Variants in PDE4D observed in about 807,000 individuals in gnomAD.
The protein encoded by PDE4D is phosphodiesterase 4D, also known as 3',5'-cyclic-AMP phosphodiesterase 4D.
A neutral mutation model predicts 87.4 loss-of-function variants in PDE4D; 24 were observed. The observed-to-expected ratio is 0.27, with a 90% confidence interval of 0.20 to 0.39. The LOEUF (loss-of-function observed/expected upper bound fraction) is 0.39, where lower values mean the gene tolerates loss of function less well. PDE4D is among the 10% of genes least tolerant of loss of function. PDE4D has a pLI of 1.00. For synonymous variants in PDE4D, 384 were observed against 383.2 expected (o/e 1.00, Z -0.02); for missense variants, 714 against 1,041.0 (o/e 0.69, Z 4.32).
intron 1 of PDE4D, among the ~76,000 whole-genome samples, chr5:59,534,679 G>C (rs906971500): frequency 6.6e-6 from 1 of 152,198 alleles, no homozygotes; most frequent in Non-Finnish European, 1.5e-5. Context: ...CTGAGTAGAG[G>C]ATTTTGGGTT....
intron 1 of PDE4D, among the ~76,000 whole-genome samples, chr5:60,225,217 T>C (rs1744947294): frequency 6.6e-6 from 1 of 152,102 alleles, no homozygotes. Flanking sequence ...GTTCTACCCA[T>C]GTCAAGAGGA....
intron 1 of PDE4D, among the ~76,000 whole-genome samples, chr5:60,265,377 A>C (rs1034615379): frequency 8.5e-5 from 13 of 152,306 alleles, no homozygotes; most frequent in Non-Finnish European, 1.9e-4. Flanking sequence ...GCTGTGAGGG[A>C]ACCAAAACCC....
chr5:60,118,318 G>A (rs1185040826), intron 2 of PDE4D, among the ~76,000 whole-genome samples: 2 of 152,090 alleles, frequency 1.3e-5, no homozygotes, highest in South Asian at 2.1e-4. Context: ...GTTTACTTAT[G>A]CTGACTGTCA....
At chr5:60,218,095 C>A (rs1339170327) in intron 1 of PDE4D, among the ~76,000 whole-genome samples, 1 of 151,922 alleles carries the variant, frequency 6.6e-6, no homozygotes, top group Non-Finnish European at 1.5e-5. Flanking sequence ...AAAATCACAA[C>A]AGACATTCAT....
In PDE4D at chr5:58,971,821, T is replaced by C. The variant is rs944563149; in HGVS notation, c.*2843A>G. 3.9e-5 allele frequency: 6 copies of C among 152,590 alleles called. No individual in the cohort carries two copies. The highest frequency in any genetic ancestry group is 3.2e-3 in the Middle Eastern group (1 of 316). 9.5% of individuals were successfully genotyped at this position (152,590 alleles called of 1,614,324 possible). A position where few individuals can be genotyped will look rare whatever the true frequency, so the allele number is the denominator to read the frequency against. ...AAATGTAAAGCCACTTGTAAAAGGA[T>C]ATTCTTTTATTCTTTTTTAAAGCAG... On this transcript the variant is annotated 3_prime_UTR_variant, in exon 15 of 15. Transcript: ENST00000340635.
chr5:59,355,490 G>C (rs1051012552), intron 1 of PDE4D, among the ~76,000 whole-genome samples: 1 of 152,084 alleles, frequency 6.6e-6, no homozygotes, highest in South Asian at 2.1e-4. Context: ...TTGATGTTAA[G>C]TTCTAAATGT....
intron 1 of PDE4D, among the ~76,000 whole-genome samples, chr5:60,266,258 C>G (rs1413441108): frequency 6.6e-6 from 1 of 152,166 alleles, no homozygotes; most frequent in Non-Finnish European, 1.5e-5. Context: ...GAAGTGCAAA[C>G]AGTTTGCTTC....
chr5:59,761,752 C>A (rs1761995013), intron 1 of PDE4D, among the ~76,000 whole-genome samples: 1 of 152,046 alleles, frequency 6.6e-6, no homozygotes, highest in Admixed American at 6.6e-5. Flanking sequence ...CCTGAGGGAC[C>A]TACCTGAGGC....
chr5:59,356,757 C>G, intron 1 of PDE4D: 1 of 1,569,662 alleles, frequency 6.4e-7, no homozygotes, highest in Non-Finnish European at 8.6e-7. Context: ...AAGAGTAATA[C>G]CTGTAGGACT....
At chr5:60,365,656 C>G (rs1467930124) in intron 1 of PDE4D, among the ~76,000 whole-genome samples, 1 of 152,172 alleles carries the variant, frequency 6.6e-6, no homozygotes, top group Non-Finnish European at 1.5e-5. Context: ...ACTCTTGTAC[C>G]AAGGGCGCTG....
chr5:58,971,810 T>TTATGGCATTTTAGGAAA lies in PDE4D; in HGVS notation c.*2853_*2854insTTTCCTAAAATGCCATA, dbSNP rs1742651588. On this transcript the variant is annotated 3_prime_UTR_variant, in exon 15 of 15. Transcript: ENST00000340635. Reference sequence around the variant, plus strand: ...GGCATTTTAGGAAATGTAAAGCCACTTGTAAAAGGATATTCTTTTATTCTT... The same window carrying TTATGGCATTTTAGGAAA: ...GGCATTTTAGGAAATGTAAAGCCACTTATGGCATTTTAGGAAATGTAAAAGGATATTCTTTTATTCTT... 3 of 152,642 alleles carry TTATGGCATTTTAGGAAA rather than the reference T, an allele frequency of 2.0e-5. No individual in the cohort carries two copies. Among genetic ancestry groups the TTATGGCATTTTAGGAAA allele is most frequent in the Non-Finnish European group, 4.4e-5 (3 of 68,034 alleles). The allele number at this position is 152,642 out of a possible 1,614,324, so 9.5% of individuals were successfully genotyped here. A position where few individuals can be genotyped will look rare whatever the true frequency, so the allele number is the denominator to read the frequency against.
At chr5:59,710,551 G>A (rs796490146) in intron 1 of PDE4D, among the ~76,000 whole-genome samples, 5 of 152,168 alleles carry the variant, frequency 3.3e-5, no homozygotes, top group African/African-American at 1.2e-4. Context: ...CTAGGCTACA[G>A]TAACAAAATA....
At chr5:59,675,233 A>G (rs1747870773) in intron 1 of PDE4D, among the ~76,000 whole-genome samples, 1 of 152,218 alleles carries the variant, frequency 6.6e-6, no homozygotes, top group Non-Finnish European at 1.5e-5. Context: ...CTTTTGAAGT[A>G]CAAAGATTGC....
At chr5:59,371,961 G>C (rs1428156149) in intron 1 of PDE4D, among the ~76,000 whole-genome samples, 2 of 152,186 alleles carry the variant, frequency 1.3e-5, no homozygotes, top group Non-Finnish European at 2.9e-5. Flanking sequence ...ATAACCCTGG[G>C]ACTGCCCAGC....
chr5:59,435,074 A>G (rs1401666164), intron 1 of PDE4D, among the ~76,000 whole-genome samples: 1 of 152,096 alleles, frequency 6.6e-6, no homozygotes, highest in Non-Finnish European at 1.5e-5. Context: ...GATTCCAGAG[A>G]CCAGACTATA....
At chr5:59,295,581 C>T (rs944096954) in intron 1 of PDE4D, among the ~76,000 whole-genome samples, 15 of 152,140 alleles carry the variant, frequency 9.9e-5, no homozygotes, top group African/African-American at 2.4e-4. Context: ...GCAGGAACTT[C>T]GGCCCTCAGG....
chr5:59,185,171 GA>G lies in PDE4D; in HGVS notation c.758+17del, dbSNP rs368576197. ...TAAAAGTTCAGCAAAAAAGAGGGGGGAAAAAAGGATATCTTACTTGCTAGGT... is the reference window on the plus strand; with the variant it reads ...TAAAAGTTCAGCAAAAAAGAGGGGGGAAAAAGGATATCTTACTTGCTAGGT... On this transcript the variant is annotated intron_variant, in intron 4 of 14. Coordinates refer to ENST00000340635, the MANE Select transcript of PDE4D (RefSeq NM_001104631.2). The G allele has an allele frequency of 8.8e-5, 141 of 1,596,172 alleles. No homozygotes were observed. The highest frequency in any genetic ancestry group is 7.3e-4 in the African/African-American group (54 of 74,446).
At position 59,179,167 on chromosome 5, in the gene PDE4D, C is replaced by T. The variant is rs149677246; in HGVS notation, c.808+1428G>A. Among the ~76,000 whole-genome samples the T allele has an allele frequency of 4.0e-3, 612 of 152,272 alleles. 3 individuals carry two copies. Among genetic ancestry groups the T allele is most frequent in the Non-Finnish European group, 7.0e-3 (474 of 68,010 alleles). On this transcript the variant is annotated intron_variant, in intron 5 of 14. Transcript: ENST00000340635. ...TGTTGCCCAGGCTGGAGTGCAGTGG[C>T]GCGATCTCGGCTCACTGCAACCTCT...
intron 1 of PDE4D, among the ~76,000 whole-genome samples, chr5:59,857,879 GGGAAGGAA>G (rs556702419): frequency 7.8e-5 from 11 of 140,168 alleles, no homozygotes; most frequent in Admixed American, 4.5e-4. Context: ...GAAGGAAGGT[GGGAAGGAA>G]GGAAGGAAGG....
Sources: gnomAD v4.1 joint callset for allele counts (sites outside exome capture counted in the v4.1 genomes callset) on GRCh38, gnomAD v4.1.1 for gene constraint, MANE v1.5 for transcripts, NCBI Gene and HGNC (gene_info 2026-07-23, HGNC 2026-07-21) for gene names.